The following LAMA2 variants were observed in gnomAD, a reference collection of about 807,000 sequenced individuals.
LAMA2 encodes laminin subunit alpha-2.
In LAMA2, 269 loss-of-function variants were observed where a neutral mutation model predicts 364.8. The observed-to-expected ratio is 0.74, with a 90% CI of 0.67 to 0.82. The LOEUF (loss-of-function observed/expected upper bound fraction) is 0.82, where lower values mean the gene tolerates loss of function less well. Among genes scored for constraint, LAMA2 ranks in the 40% least tolerant of loss-of-function variants. LAMA2 has a pLI of 0.00. For synonymous variants in LAMA2, 1,379 were observed against 1,370.6 expected (o/e 1.01, Z -0.14); for missense variants, 3,807 against 3,873.2 (o/e 0.98, Z 0.45).
At chr6:129,190,732 T>C (rs1781475244) in intron 11 of LAMA2, among the ~76,000 whole-genome samples, 1 of 152,218 alleles carries the variant, frequency 6.6e-6, no homozygotes, top group East Asian at 1.9e-4. Context: ...CTGTATCATC[T>C]GTATACATAA....
At chr6:129,457,209 C>G (rs536581803) in intron 48 of LAMA2, among the ~76,000 whole-genome samples, 6 of 152,218 alleles carry the variant, frequency 3.9e-5, no homozygotes, top group African/African-American at 1.4e-4. Flanking sequence ...TATGAGGACT[C>G]AACCTTCATA....
chr6:128,914,569 A>C (rs988699133), intron 1 of LAMA2, among the ~76,000 whole-genome samples: 1 of 152,194 alleles, frequency 6.6e-6, no homozygotes, highest in Non-Finnish European at 1.5e-5. Flanking sequence ...AGCTATGCTC[A>C]CTTCAAACGA....
Position 128,899,540 on chromosome 6 carries a change from G to A in LAMA2, c.112+16183G>A, listed in dbSNP as rs181693344. Reference sequence around the variant, plus strand: ...ACATATGGTAGGCACTCAAAAATTGGATGAAGAAGCAGCTCTTTTTGGACA... The same window carrying A: ...ACATATGGTAGGCACTCAAAAATTGAATGAAGAAGCAGCTCTTTTTGGACA... On this transcript the variant is annotated intron_variant, in intron 1 of 64. Transcript: ENST00000421865. 1.2e-3 allele frequency among the ~76,000 whole-genome samples: 186 copies of A among 152,226 alleles called. 1 individual carries two copies. The highest frequency in any genetic ancestry group is 4.2e-3 in the African/African-American group (175 of 41,544).
intron 8 of LAMA2, among the ~76,000 whole-genome samples, chr6:129,155,303 A>G (rs1779043939): frequency 6.6e-6 from 1 of 152,142 alleles, no homozygotes; most frequent in African/African-American, 2.4e-5. Context: ...CTTTATAAGA[A>G]ACCGTCAACA....
At chr6:129,441,408 T>C (rs1782110174) in intron 43 of LAMA2, among the ~76,000 whole-genome samples, 1 of 152,176 alleles carries the variant, frequency 6.6e-6, no homozygotes, top group Admixed American at 6.5e-5. Context: ...TAGAACAGGA[T>C]ATGAAAATGA....
At chr6:129,272,937 AC>A (rs1305054960) in intron 17 of LAMA2, among the ~76,000 whole-genome samples, 2 of 152,144 alleles carry the variant, frequency 1.3e-5, no homozygotes, top group Non-Finnish European at 1.5e-5. Context: ...ATTGTCTCCA[AC>A]AAAAGAAGTA....
Position 129,300,754 on chromosome 6 carries a change from T to C in LAMA2, c.3056T>C (p.Leu1019Pro), listed in dbSNP as rs1195300063. Residue 1019 changes from leucine to proline, a missense_variant, in exon 22 of 65, where the codon CTG becomes CCG. Physicochemically the swap from Leu to Pro is moderately conservative, Grantham distance 98 (BLOSUM62 -3). Transcript: ENST00000421865. ...GGTGAAGCTTGTGAATGTTCTCATCTGGGTAATAATTGTGACCCAAAGACT... is the reference window on the plus strand; with the variant it reads ...GGTGAAGCTTGTGAATGTTCTCATCCGGGTAATAATTGTGACCCAAAGACT... ...GGCTACECSHLGNNCDPKTGR... is the reference protein window; with the variant it reads ...GGCTACECSHPGNNCDPKTGR... The C allele has an allele frequency of 6.2e-7, 1 of 1,613,848 alleles. No homozygotes were observed.
In LAMA2 at chr6:129,393,148, A is replaced by G. The variant is rs754937901; in HGVS notation, c.5338A>G (p.Lys1780Glu). The G allele has an allele frequency of 6.2e-7, 1 of 1,614,110 alleles. No individual in the cohort carries two copies. The highest frequency in any genetic ancestry group is 1.1e-5 in the South Asian group (1 of 91,086). ...TCTCCGGGAAAAACTGGCTGACTAC[A>G]AAAACAAAGTTGATGATGCTTGGGA... ...KDLREKLADY[K>E]NKVDDAWDLL... Residue 1780 changes from lysine (K) to glutamate (E), a missense_variant, in exon 37 of 65, where the codon AAA (lysine) becomes GAA (glutamate). This residue lies in a region of LAMA2 where 3,333 missense variants were observed against 3,345.7 expected (regional missense o/e 1.00). Coordinates refer to ENST00000421865, the MANE Select transcript of LAMA2 (RefSeq NM_000426.4).
intron 21 of LAMA2, 82 bp from the exon 22 acceptor site, chr6:129,300,654 C>A: frequency 2.8e-6 from 4 of 1,416,292 alleles, no homozygotes; most frequent in Non-Finnish European, 2.0e-6. Context: ...TAAGACAAAC[C>A]AACACAATAT....
chr6:129,301,458 C>T (rs1583448861), intron 22 of LAMA2, among the ~76,000 whole-genome samples: 3 of 152,128 alleles, frequency 2.0e-5, no homozygotes, highest in South Asian at 4.2e-4. Flanking sequence ...AAGCCTGGAC[C>T]CAGTCAATGA....
At chr6:129,420,555 TAA>T (rs1781024895) in intron 40 of LAMA2, among the ~76,000 whole-genome samples, 1 of 152,160 alleles carries the variant, frequency 6.6e-6, no homozygotes, top group Admixed American at 6.5e-5. Flanking sequence ...AGTAATAGAA[TAA>T]GTCATAAACC....
intron 29 of LAMA2, among the ~76,000 whole-genome samples, chr6:129,335,188 T>G (rs1407655004): frequency 6.6e-6 from 1 of 152,160 alleles, no homozygotes; most frequent in African/African-American, 2.4e-5. Context: ...ATCCTAGGCA[T>G]TAATAAATCC....
rs76596658 is a variant in LAMA2 at position 129,006,834 on chromosome 6, T to C, written c.113-43084T>C. Among the ~76,000 whole-genome samples, 34 of 152,268 alleles carry C rather than the reference T, an allele frequency of 2.2e-4. No individual in the cohort carries two copies. In the East Asian group the frequency reaches 6.6e-3, roughly 29 times the overall value. ...TTGACCTCTTCTCACTGACATTTTA[T>C]GCTCCTGTCATGCTGGACTCTGCAG... On this transcript the variant is annotated intron_variant, in intron 1 of 64. Coordinates refer to ENST00000421865, the MANE Select transcript of LAMA2 (RefSeq NM_000426.4).
At chr6:128,926,826 C>T (rs953518295) in intron 1 of LAMA2, among the ~76,000 whole-genome samples, 1 of 152,092 alleles carries the variant, frequency 6.6e-6, no homozygotes, top group African/African-American at 2.4e-5. Context: ...TTTTAGTATT[C>T]ATCAGATATA....
intron 1 of LAMA2, among the ~76,000 whole-genome samples, chr6:129,027,228 A>G (rs1785886136): frequency 6.6e-6 from 1 of 152,044 alleles, no homozygotes; most frequent in South Asian, 2.1e-4. Flanking sequence ...TCCAAGGTGA[A>G]TGTTCCAAGG....
intron 15 of LAMA2, among the ~76,000 whole-genome samples, chr6:129,263,109 T>G (rs1455731671): frequency 6.6e-6 from 1 of 152,140 alleles, no homozygotes; most frequent in Non-Finnish European, 1.5e-5. Flanking sequence ...TTCCATGAAA[T>G]GAAAATAATA....
At chr6:128,979,702 G>A (rs13200283) in intron 1 of LAMA2, among the ~76,000 whole-genome samples, 1 of 152,200 alleles carries the variant, frequency 6.6e-6, no homozygotes, top group Non-Finnish European at 1.5e-5. Context: ...AACAGACTCT[G>A]TAGTTGCAAA....
intron 1 of LAMA2, among the ~76,000 whole-genome samples, chr6:128,923,867 C>G (rs1049208660): frequency 3.9e-5 from 6 of 152,130 alleles, no homozygotes; most frequent in Admixed American, 3.9e-4. Flanking sequence ...ATGTTTCCAA[C>G]TCAGGAAATG....
In LAMA2 at chr6:129,224,232, T is replaced by A. The variant is rs552052629; in HGVS notation, c.1783-25880T>A. On this transcript the variant is annotated intron_variant, in intron 12 of 64. Transcript: ENST00000421865. ...CTTTGGTGAAGTTGCTTATCAGCTT[T>A]AGGAGATTTTGGGCTGAGACAATGG... Among the ~76,000 whole-genome samples, 9 of 152,274 alleles carry A rather than the reference T, an allele frequency of 5.9e-5. No homozygotes were observed. In the South Asian group the frequency reaches 6.2e-4, roughly 11 times the overall value.
Sources: allele counts gnomAD v4.1 joint callset (sites outside exome capture counted in the v4.1 genomes callset), GRCh38; gene constraint gnomAD v4.1.1; regional missense constraint gnomAD v4.1.1; transcripts MANE v1.5; gene names NCBI Gene and HGNC (gene_info 2026-07-23, HGNC 2026-07-21).